Variants in ARHGEF3 observed in about 807,000 individuals in gnomAD.
ARHGEF3 encodes the protein Rho guanine nucleotide exchange factor 3, also known as 59.8 kDA protein.
A neutral mutation model predicts 63.2 loss-of-function variants in ARHGEF3; 28 were observed. The observed-to-expected ratio is 0.44, with a 90% CI of 0.33 to 0.61. The LOEUF (loss-of-function observed/expected upper bound fraction) is 0.61. Ranked by LOEUF, ARHGEF3 falls within the 20% of genes least tolerant of loss-of-function variation. The pLI is 0.03. For synonymous variants in ARHGEF3, 266 were observed against 254.2 expected (o/e 1.05, Z -0.44); for missense variants, 533 against 659.3 (o/e 0.81, Z 2.10).
intron 4 of ARHGEF3, among the ~76,000 whole-genome samples, chr3:56,845,450 A>G (rs200515408): frequency 6.6e-5 from 10 of 152,356 alleles, no homozygotes; most frequent in East Asian, 5.8e-4. Context: ...CTGAAAATCT[A>G]TATTAGAATT....
chr3:56,947,363 GT>G (rs1160257383), intron 3 of ARHGEF3, among the ~76,000 whole-genome samples: 1 of 152,178 alleles, frequency 6.6e-6, no homozygotes, highest in Non-Finnish European at 1.5e-5. Flanking sequence ...ACCCATCAGT[GT>G]GCTGTATTCA....
chr3:56,820,362 A>G (rs2038435338), intron 4 of ARHGEF3, among the ~76,000 whole-genome samples: 1 of 152,202 alleles, frequency 6.6e-6, no homozygotes, highest in African/African-American at 2.4e-5. Flanking sequence ...GAAAACGGGG[A>G]TAGAGGAAAA....
chr3:56,913,154 A>C lies in ARHGEF3; in HGVS notation c.130-30800T>G, dbSNP rs976718880. Among the ~76,000 whole-genome samples the C allele has an allele frequency of 3.2e-3, 71 of 22,210 alleles. 1 individual carries two copies. The highest frequency in any genetic ancestry group is 0.016 in the Non-Finnish European group (39 of 2,492). 14.6% of individuals were successfully genotyped at this position (22,210 alleles called of 152,430 possible). On this transcript the variant is annotated intron_variant, in intron 3 of 12. Transcript: ENST00000338458. ...AGAGCAAGACCTTGTCTCCTAAAAAAAAAAACAACAACAACAACAAAAAAA... is the reference window on the plus strand; with the variant it reads ...AGAGCAAGACCTTGTCTCCTAAAAACAAAAACAACAACAACAACAAAAAAA...
At chr3:56,962,009 C>A (rs1236535800) in intron 2 of ARHGEF3, among the ~76,000 whole-genome samples, 1 of 152,150 alleles carries the variant, frequency 6.6e-6, no homozygotes, top group East Asian at 1.9e-4. Context: ...CATATTACTG[C>A]CCCCCAGCCT....
chr3:56,903,197 CA>C (rs2108314693), intron 3 of ARHGEF3, among the ~76,000 whole-genome samples: 2 of 152,148 alleles, frequency 1.3e-5, no homozygotes, highest in South Asian at 4.2e-4. Context: ...AGGTAGGGGT[CA>C]TCGTGGGAGA....
rs1314179652 is a variant in ARHGEF3 at position 56,967,341 on chromosome 3, TATC to T, written c.63-8455_63-8453del. Among the ~76,000 whole-genome samples the T allele has an allele frequency of 1.2e-4, 8 of 68,014 alleles. 1 individual carries two copies. The East Asian group carries it at 3.2e-3, about 27-fold the overall frequency. The allele number at this position is 68,014 out of a possible 152,430, so 44.6% of individuals were successfully genotyped here. ...TATATTATATATTATATATTGTACA[TATC>T]ATATATTATATAATATTATATTATA... On this transcript the variant is annotated intron_variant, in intron 2 of 12. Coordinates refer to the ARHGEF3 transcript ENST00000338458.
At chr3:56,848,938 A>T (rs2039578665) in intron 4 of ARHGEF3, among the ~76,000 whole-genome samples, 1 of 152,090 alleles carries the variant, frequency 6.6e-6, no homozygotes, top group Non-Finnish European at 1.5e-5. Context: ...CAAACTGCTG[A>T]GATTATAGGC....
Position 56,749,855 on chromosome 3 carries a change from T to C in ARHGEF3, c.612+1201A>G, listed in dbSNP as rs147750812. Among the ~76,000 whole-genome samples, 20 of 151,320 alleles carry C rather than the reference T, an allele frequency of 1.3e-4. No homozygotes were observed. The East Asian group carries it at 2.5e-3, about 19-fold the overall frequency. ...TAAGTCATGAAACTCTCATCAAGTATCTTGATCAAGGCAGTCATTGAGAAA... is the reference window on the plus strand; with the variant it reads ...TAAGTCATGAAACTCTCATCAAGTACCTTGATCAAGGCAGTCATTGAGAAA... On this transcript the variant is annotated intron_variant, in intron 6 of 9. Coordinates refer to ENST00000296315, the MANE Select transcript of ARHGEF3 (RefSeq NM_019555.3).
intron 4 of ARHGEF3, among the ~76,000 whole-genome samples, chr3:56,881,241 C>T (rs2040754660): frequency 6.6e-6 from 1 of 152,180 alleles, no homozygotes; most frequent in African/African-American, 2.4e-5. Context: ...AGAGCCAGAA[C>T]CATGACTCAG....
chr3:56,920,815 G>T (rs1047656725), intron 3 of ARHGEF3, among the ~76,000 whole-genome samples: 1 of 152,146 alleles, frequency 6.6e-6, no homozygotes, highest in East Asian at 1.9e-4. Context: ...CACTTTGGGA[G>T]GCCGAGGCGG....
Position 56,885,955 on chromosome 3 carries a change from T to G in ARHGEF3, c.130-3601A>C, listed in dbSNP as rs76524636. 6.7e-3 allele frequency among the ~76,000 whole-genome samples: 1,026 copies of G among 152,350 alleles called. 7 individuals are homozygous for G. Among genetic ancestry groups the G allele is most frequent in the African/African-American group, 0.024 (987 of 41,574 alleles). On this transcript the variant is annotated intron_variant, in intron 3 of 12. Transcript: ENST00000338458. ...ACCATCACTAAGTCACTTGTTCATT[T>G]GCTCTGTGTTCACTGAGCACTTTTG...
intron 4 of ARHGEF3, among the ~76,000 whole-genome samples, chr3:56,823,228 T>G (rs962955131): frequency 1.3e-5 from 2 of 152,106 alleles, no homozygotes; most frequent in African/African-American, 4.8e-5. Flanking sequence ...ATGTCTTAAA[T>G]ATAAGAGGGA....
intron 3 of ARHGEF3, among the ~76,000 whole-genome samples, chr3:56,953,899 C>T (rs1578938807): frequency 6.6e-6 from 1 of 152,282 alleles, no homozygotes; most frequent in Non-Finnish European, 1.5e-5. Context: ...CCTCAGTTTC[C>T]CTCAGTCACA....
intron 3 of ARHGEF3, among the ~76,000 whole-genome samples, chr3:56,894,877 T>C (rs2108292100): frequency 6.6e-6 from 1 of 152,338 alleles, no homozygotes; most frequent in East Asian, 1.9e-4. Context: ...GTTTCAGACT[T>C]CAGGATAAAA....
intron 7 of ARHGEF3, among the ~76,000 whole-genome samples, chr3:56,739,544 C>T (rs1014792412): frequency 4.0e-5 from 6 of 151,820 alleles, no homozygotes; most frequent in South Asian, 4.2e-4. Flanking sequence ...GGACCACAGG[C>T]GTGCGCCACC....
At chr3:56,893,911 G>C (rs1032890731) in intron 3 of ARHGEF3, among the ~76,000 whole-genome samples, 1 of 145,966 alleles carries the variant, frequency 6.9e-6, no homozygotes, top group Non-Finnish European at 1.5e-5. Context: ...GCTGTACAAA[G>C]AAGTTATTAC....
chr3:56,828,959 C>T (rs916581359), intron 4 of ARHGEF3, among the ~76,000 whole-genome samples: 1 of 152,148 alleles, frequency 6.6e-6, no homozygotes, highest in Non-Finnish European at 1.5e-5. Flanking sequence ...CGGAGTCTCA[C>T]TCTGTTGCTT....
chr3:56,771,100 T>A (rs1559924324), intron 2 of ARHGEF3, among the ~76,000 whole-genome samples: 1 of 148,712 alleles, frequency 6.7e-6, no homozygotes, highest in African/African-American at 2.5e-5. Context: ...GCAACAAGGG[T>A]GAAACTCCAT....
chr3:57,008,646 A>C (rs1702563526), intron 2 of ARHGEF3, among the ~76,000 whole-genome samples: 1 of 151,986 alleles, frequency 6.6e-6, no homozygotes, highest in Non-Finnish European at 1.5e-5. Flanking sequence ...AATTTTTGTT[A>C]TGTTTAGTAG....
Sources: allele counts gnomAD v4.1 joint callset (sites outside exome capture counted in the v4.1 genomes callset), GRCh38; gene constraint gnomAD v4.1.1; transcripts MANE v1.5; gene names NCBI Gene and HGNC (gene_info 2026-07-23, HGNC 2026-07-21).